Variants in ZNF462 observed in about 807,000 individuals in gnomAD.
ZNF462 encodes zinc finger PBX1-interacting protein.
Under a neutral mutation model 201.9 loss-of-function variants are expected in ZNF462, and 10 were observed. That is an observed-to-expected ratio of 0.05 (90% CI 0.03 to 0.08). The LOEUF is 0.08. Among genes scored for constraint, ZNF462 ranks in the 10% least tolerant of loss-of-function variants. The pLI, the probability that ZNF462 is intolerant of heterozygous loss-of-function variation, is 1.00. For missense variants in ZNF462, 2,523 were observed against 3,168.3 expected (o/e 0.80, Z 4.89); for synonymous variants, 1,227 against 1,193.3 (o/e 1.03, Z -0.58).
At position 107,009,996 on chromosome 9, in the gene ZNF462, G is replaced by A. The variant is rs1054680198; in HGVS notation, c.7313+328G>A. Among the ~76,000 whole-genome samples the A allele has an allele frequency of 2.6e-5, 4 of 152,004 alleles. No individual in the cohort carries two copies. Among genetic ancestry groups the A allele is most frequent in the African/African-American group, 9.7e-5 (4 of 41,368 alleles). On this transcript the variant is annotated intron_variant, in intron 12 of 12. Coordinates refer to ENST00000277225, the MANE Select transcript of ZNF462 (RefSeq NM_021224.6). The surrounding 1 kb of genome is among the most constrained non-coding windows in gnomAD (Gnocchi z 6.1). The stretch of plus-strand genomic sequence containing the variant: ...GACATTCTATAATAGAACGTGAATC[G>A]AGGTCAAAAGATCTGGCTTCTGTTC...
chr9:106,889,452 G>A (rs1290388457), intron 1 of ZNF462, among the ~76,000 whole-genome samples: 1 of 152,122 alleles, frequency 6.6e-6, no homozygotes, highest in Non-Finnish European at 1.5e-5. Context: ...AAGGGAACAG[G>A]GCTGGAGAAC....
chr9:106,907,017 T>G (rs1183472206), intron 1 of ZNF462, among the ~76,000 whole-genome samples: 1 of 152,200 alleles, frequency 6.6e-6, no homozygotes, highest in East Asian at 1.9e-4. Flanking sequence ...GAGTTTATCT[T>G]GAATTGCATC....
intron 7 of ZNF462, among the ~76,000 whole-genome samples, chr9:106,964,414 A>AAT (rs1459548972): frequency 6.6e-6 from 1 of 152,056 alleles, no homozygotes; most frequent in East Asian, 1.9e-4. Context: ...TTAAAATGTA[A>AAT]ATACATGTAT....
At chr9:106,868,851 G>A (rs1284340004) in intron 1 of ZNF462, among the ~76,000 whole-genome samples, 1 of 152,170 alleles carries the variant, frequency 6.6e-6, no homozygotes, top group African/African-American at 2.4e-5. Flanking sequence ...GAGAAACTCT[G>A]TACTCATACA....
At chr9:106,893,631 G>A (rs1828685652) in intron 1 of ZNF462, among the ~76,000 whole-genome samples, 1 of 152,198 alleles carries the variant, frequency 6.6e-6, no homozygotes, top group Non-Finnish European at 1.5e-5. Flanking sequence ...AACAGGCTCT[G>A]ATGGAGAGGG....
Position 106,975,647 on chromosome 9 carries a change from C to T in ZNF462, c.6832+1374C>T, listed in dbSNP as rs1826945818. ...CTCAGTCACCTGGCTTCCGGTCCCC[C>T]AGCCCATGTGTTGCGGTGGCTCTGT... is the stretch of plus-strand genomic sequence containing the variant. On this transcript the variant is annotated intron_variant, in intron 9 of 12. Coordinates refer to ENST00000277225, the MANE Select transcript of ZNF462 (RefSeq NM_021224.6). 2.0e-5 allele frequency: 3 copies of T among 152,342 alleles called. No individual in the cohort carries two copies. In the South Asian group the frequency reaches 6.2e-4, roughly 31 times the overall value. 9.4% of individuals were successfully genotyped at this position (152,342 alleles called of 1,614,324 possible).
intron 7 of ZNF462, among the ~76,000 whole-genome samples, chr9:106,960,636 C>T (rs1831791047): frequency 1.3e-5 from 2 of 152,060 alleles, no homozygotes; most frequent in South Asian, 4.1e-4. Flanking sequence ...TGGCAGATGC[C>T]ACCCAGAGTT....
At chr9:106,934,318 A>G (rs1218026503) in intron 5 of ZNF462, among the ~76,000 whole-genome samples, 1 of 150,994 alleles carries the variant, frequency 6.6e-6, no homozygotes, top group Non-Finnish European at 1.5e-5. Flanking sequence ...AAAAAAATCC[A>G]TGGGGGCTGG....
At chr9:106,971,551 T>C (rs1045627976) in intron 7 of ZNF462, among the ~76,000 whole-genome samples, 1 of 126,142 alleles carries the variant, frequency 7.9e-6, no homozygotes, top group African/African-American at 3.1e-5. Flanking sequence ...TAAATGAAGA[T>C]AAAAGATGGA....
chr9:106,884,580 A>G (rs1182074697), intron 1 of ZNF462, among the ~76,000 whole-genome samples: 1 of 152,180 alleles, frequency 6.6e-6, no homozygotes, highest in Non-Finnish European at 1.5e-5. Flanking sequence ...CCATGGAGGC[A>G]GTGGAAACAG....
rs1418777869 is a variant in ZNF462 at position 106,876,882 on chromosome 9, C to G, written c.-31+13527C>G. 1.3e-5 allele frequency among the ~76,000 whole-genome samples: 2 copies of G among 152,172 alleles called. No individual in the cohort carries two copies. Among genetic ancestry groups the G allele is most frequent in the Non-Finnish European group, 2.9e-5 (2 of 68,034 alleles). On this transcript the variant is annotated intron_variant, in intron 1 of 12. Transcript: ENST00000277225. This position sits in a 1 kb window ranked among gnomAD's most constrained non-coding sequence, Gnocchi z 4.9. ...AAATGTTGTCTGCCTCACTGTTGCTCTACTCACATACATATCTCTTAGCCA... is the reference window on the plus strand; with the variant it reads ...AAATGTTGTCTGCCTCACTGTTGCTGTACTCACATACATATCTCTTAGCCA...
chr9:106,883,398 G>A lies in ZNF462; in HGVS notation c.-31+20043G>A, dbSNP rs927080054. On this transcript the variant is annotated intron_variant, in intron 1 of 12. Coordinates refer to ENST00000277225, the MANE Select transcript of ZNF462 (RefSeq NM_021224.6). This position sits in a 1 kb window ranked among gnomAD's most constrained non-coding sequence, Gnocchi z 4.9. ...ATGCTGGCCCAGTGAAGGCAGAATAGTGTGCGGATGGAAAATGAAAAGACT... is the reference window on the plus strand; with the variant it reads ...ATGCTGGCCCAGTGAAGGCAGAATAATGTGCGGATGGAAAATGAAAAGACT... Among the ~76,000 whole-genome samples the A allele has an allele frequency of 6.6e-6, 1 of 152,226 alleles. No homozygotes were observed. Among genetic ancestry groups the A allele is most frequent in the Non-Finnish European group, 1.5e-5 (1 of 68,028 alleles).
intron 1 of ZNF462, among the ~76,000 whole-genome samples, chr9:106,911,949 G>A (rs1829565953): frequency 6.6e-6 from 1 of 152,140 alleles, no homozygotes; most frequent in Non-Finnish European, 1.5e-5. Context: ...GTTTCAGAAT[G>A]CAGTATATAA....
intron 7 of ZNF462, among the ~76,000 whole-genome samples, chr9:106,943,208 A>G (rs1021629366): frequency 1.3e-5 from 2 of 152,066 alleles, no homozygotes; most frequent in African/African-American, 4.8e-5. Flanking sequence ...AGTCTGTGAT[A>G]TTGTGAATTA....
intron 10 of ZNF462, among the ~76,000 whole-genome samples, chr9:107,001,569 C>T (rs1158259528): frequency 2.0e-5 from 3 of 152,052 alleles, no homozygotes; most frequent in Non-Finnish European, 4.4e-5. Flanking sequence ...TTATGCTATC[C>T]CTTTTTGCTC....
At position 107,011,385 on chromosome 9, in the gene ZNF462, T is replaced by A. The variant is rs1829915824; in HGVS notation, c.*355T>A. ...AGAAGCTCCATGACGGTAGAAGACT[T>A]CTCATTGGGGAGCAACTTTTTGACG... On this transcript the variant is annotated 3_prime_UTR_variant, in exon 13 of 13. Transcript: ENST00000277225. The surrounding 1 kb of genome is among the most constrained non-coding windows in gnomAD (Gnocchi z 5.6). The A allele has an allele frequency of 1.2e-5, 2 of 167,670 alleles. No homozygotes were observed. Among genetic ancestry groups the A allele is most frequent in the Admixed American group, 6.2e-5 (1 of 16,214 alleles). 10.4% of individuals were successfully genotyped at this position (167,670 alleles called of 1,614,324 possible). A position where few individuals can be genotyped will look rare whatever the true frequency, so the allele number is the denominator to read the frequency against.
chr9:106,875,412 C>T (rs1443807018), intron 1 of ZNF462, among the ~76,000 whole-genome samples: 2 of 152,056 alleles, frequency 1.3e-5, no homozygotes, highest in African/African-American at 2.4e-5. Context: ...CCTGTTAAGT[C>T]GATTGAATAT....
intron 7 of ZNF462, among the ~76,000 whole-genome samples, chr9:106,969,269 C>T (rs1233593386): frequency 6.6e-6 from 1 of 152,126 alleles, no homozygotes; most frequent in Non-Finnish European, 1.5e-5. Context: ...ATTAGCTGTT[C>T]CTTTTGCACT....
At position 106,924,418 on chromosome 9, in the gene ZNF462, A is replaced by T; in HGVS notation, c.506A>T (p.Tyr169Phe). The T allele has an allele frequency of 6.2e-7, 1 of 1,614,202 alleles. No homozygotes were observed. Among genetic ancestry groups the T allele is most frequent in the Non-Finnish European group, 8.5e-7 (1 of 1,180,036 alleles). Residue 169 changes from tyrosine to phenylalanine, a missense_variant, in exon 3 of 13, where the codon TAC (tyrosine) becomes TTC (phenylalanine). This residue lies in a region of ZNF462 where 480 missense variants were observed against 544.4 expected (regional missense o/e 0.88). Transcript: ENST00000277225. This position sits in a 1 kb window ranked among gnomAD's most constrained non-coding sequence, Gnocchi z 6.2. Reference protein sequence around the residue: ...GKVFSCQFCTYKSPRRARIIK... With the variant: ...GKVFSCQFCTFKSPRRARIIK... ...GTCTTCTCTTGCCAGTTTTGCACAT[A>T]CAAGTCACCAAGAAGGGCAAGAATA...
Sources: gnomAD v4.1 joint callset for allele counts (sites outside exome capture counted in the v4.1 genomes callset) on GRCh38, gnomAD v4.1.1 for gene constraint, gnomAD v4.1.1 regional missense constraint, Gnocchi (gnomAD v3.1) non-coding constraint, MANE v1.5 for transcripts, NCBI Gene and HGNC (gene_info 2026-07-23, HGNC 2026-07-21) for gene names.